SPOCK1: variants seen among roughly 807,000 people sequenced by gnomAD.
SPOCK1 encodes the protein testican-1.
SPOCK1 carries 23 observed loss-of-function variants against 55.3 expected under a neutral mutation model. That is an observed-to-expected ratio of 0.42 (90% CI 0.30 to 0.59). SPOCK1 has a LOEUF of 0.59. Ranked by LOEUF, SPOCK1 falls within the 20% of genes least tolerant of loss-of-function variation. The pLI, the probability that SPOCK1 is intolerant of heterozygous loss-of-function variation, is 0.22. For missense variants in SPOCK1, 499 were observed against 552.5 expected, an observed-to-expected ratio of 0.90 and a Z score of 0.97; for synonymous variants, 226 against 221.0, an observed-to-expected ratio of 1.02 and a Z score of -0.20.
intron 3 of SPOCK1, among the ~76,000 whole-genome samples, chr5:137,147,435 A>G (rs1194501432): frequency 6.6e-6 from 1 of 152,202 alleles, no homozygotes; most frequent in Non-Finnish European, 1.5e-5. Flanking sequence ...AACAACAGAA[A>G]TTTATTTTCT....
chr5:137,289,031 C>T (rs1473969518), intron 2 of SPOCK1, among the ~76,000 whole-genome samples: 1 of 152,174 alleles, frequency 6.6e-6, no homozygotes, highest in African/African-American at 2.4e-5. Context: ...TCCAACAGAA[C>T]CCAGCTTGAG....
chr5:137,287,019 A>T (rs1267216869), intron 2 of SPOCK1, among the ~76,000 whole-genome samples: 3 of 152,226 alleles, frequency 2.0e-5, no homozygotes, highest in Non-Finnish European at 4.4e-5. Context: ...TATATTCTAC[A>T]GGTGCCATCC....
chr5:137,151,317 C>T (rs1404154642), intron 3 of SPOCK1, among the ~76,000 whole-genome samples: 1 of 152,024 alleles, frequency 6.6e-6, no homozygotes, highest in Non-Finnish European at 1.5e-5. Flanking sequence ...TTAAGGTAAT[C>T]AATGATCTAT....
At chr5:137,184,662 C>A (rs1330471127) in intron 3 of SPOCK1, among the ~76,000 whole-genome samples, 2 of 152,134 alleles carry the variant, frequency 1.3e-5, no homozygotes, top group Non-Finnish European at 1.5e-5. Context: ...ACATCACAAC[C>A]CAGCTCAAGG....
At chr5:137,340,844 G>A (rs1424166442) in intron 2 of SPOCK1, among the ~76,000 whole-genome samples, 2 of 150,102 alleles carry the variant, frequency 1.3e-5, no homozygotes, top group Non-Finnish European at 2.9e-5. Flanking sequence ...TCACACTAAT[G>A]CACTCCAGCC....
At chr5:137,248,602 C>T (rs1264773774) in intron 3 of SPOCK1, among the ~76,000 whole-genome samples, 3 of 152,192 alleles carry the variant, frequency 2.0e-5, no homozygotes, top group Admixed American at 1.3e-4. Context: ...GTGTTCAAAG[C>T]CTAGCCCTAC....
intron 4 of SPOCK1, among the ~76,000 whole-genome samples, chr5:137,120,632 C>A (rs1229068590): frequency 1.3e-5 from 2 of 152,160 alleles, no homozygotes; most frequent in Admixed American, 6.5e-5. Flanking sequence ...AAATGTGTAA[C>A]ACACCCTCAA....
In SPOCK1 at chr5:137,241,152, C is replaced by A. The variant is rs569530209; in HGVS notation, c.232+25858G>T. ...AATTTAAAAAATAATGGGAGAAAAA[C>A]TAGAAAAATCTCTTATTAACCTCAA... is the stretch of plus-strand genomic sequence containing the variant. On this transcript the variant is annotated intron_variant, in intron 3 of 10. Transcript: ENST00000394945. Among the ~76,000 whole-genome samples, 155 of 152,156 alleles carry A rather than the reference C, an allele frequency of 1.0e-3. 1 individual carries two copies. Among genetic ancestry groups the A allele is most frequent in the Non-Finnish European group, 1.2e-3 (83 of 67,986 alleles).
intron 2 of SPOCK1, among the ~76,000 whole-genome samples, chr5:137,485,337 G>A (rs552723975): frequency 6.6e-6 from 1 of 152,294 alleles, no homozygotes; most frequent in Admixed American, 6.5e-5. Flanking sequence ...GTAGGCAAAT[G>A]TCTGACACGT....
intron 6 of SPOCK1, among the ~76,000 whole-genome samples, chr5:137,018,358 GGAAC>G (rs1751492266): frequency 6.6e-6 from 1 of 152,172 alleles, no homozygotes; most frequent in African/African-American, 2.4e-5. Flanking sequence ...TGGTCAACGT[GGAAC>G]CATCACTGGG....
At chr5:137,152,121 G>A (rs1754328562) in intron 3 of SPOCK1, among the ~76,000 whole-genome samples, 1 of 152,184 alleles carries the variant, frequency 6.6e-6, no homozygotes, top group South Asian at 2.1e-4. Context: ...ACCACCTCAA[G>A]CTGAGAGAAA....
intron 3 of SPOCK1, among the ~76,000 whole-genome samples, chr5:137,160,235 T>TAGAATA (rs2127050201): frequency 6.7e-6 from 1 of 149,888 alleles, no homozygotes; most frequent in African/African-American, 2.5e-5. Context: ...CCTGAGTACT[T>TAGAATA]CACTTAGAAT....
chr5:137,369,859 T>C (rs1751159521), intron 2 of SPOCK1, among the ~76,000 whole-genome samples: 1 of 152,092 alleles, frequency 6.6e-6, no homozygotes, highest in African/African-American at 2.4e-5. Flanking sequence ...TACACCCCCA[T>C]GACCTAATCA....
At chr5:137,349,517 G>T (rs895975204) in intron 2 of SPOCK1, among the ~76,000 whole-genome samples, 11 of 152,186 alleles carry the variant, frequency 7.2e-5, no homozygotes, top group Non-Finnish European at 1.2e-4. Flanking sequence ...GTTTCCTAGA[G>T]TAGTCACACA....
intron 2 of SPOCK1, among the ~76,000 whole-genome samples, chr5:137,269,197 T>C (rs986730560): frequency 6.6e-6 from 1 of 152,224 alleles, no homozygotes; most frequent in Non-Finnish European, 1.5e-5. Context: ...TACTGCCTAA[T>C]TGCTGCCAAA....
At chr5:137,184,296 C>A (rs1377973560) in intron 3 of SPOCK1, among the ~76,000 whole-genome samples, 1 of 152,124 alleles carries the variant, frequency 6.6e-6, no homozygotes, top group Non-Finnish European at 1.5e-5. Flanking sequence ...ACCAATGAGG[C>A]ACAAGCCTGG....
intron 2 of SPOCK1, among the ~76,000 whole-genome samples, chr5:137,458,668 G>T (rs187862973): frequency 6.6e-5 from 10 of 151,678 alleles, no homozygotes; most frequent in Non-Finnish European, 1.3e-4. Context: ...TTGTTTGTTC[G>T]TTTTTTTTAG....
intron 2 of SPOCK1, among the ~76,000 whole-genome samples, chr5:137,461,828 T>C (rs1445047225): frequency 2.0e-5 from 3 of 152,188 alleles, no homozygotes; most frequent in African/African-American, 7.2e-5. Context: ...ACCCTCTCTA[T>C]GATCTAATAA....
chr5:137,431,586 T>C (rs2149829023), intron 2 of SPOCK1, among the ~76,000 whole-genome samples: 1 of 152,348 alleles, frequency 6.6e-6, no homozygotes, highest in African/African-American at 2.4e-5. Context: ...CATGAGGGTC[T>C]CACCCTGGTG....
Sources: gnomAD v4.1 joint callset for allele counts (sites outside exome capture counted in the v4.1 genomes callset) on GRCh38, gnomAD v4.1.1 for gene constraint, MANE v1.5 for transcripts, NCBI Gene and HGNC (gene_info 2026-07-23, HGNC 2026-07-21) for gene names.